The following SCN1A variants were observed in gnomAD, a reference collection of about 807,000 sequenced individuals.
SCN1A encodes the protein sodium voltage-gated channel alpha subunit 1.
In SCN1A, 13 loss-of-function variants were observed where a neutral mutation model predicts 193.7. The observed-to-expected ratio is 0.07, with a 90% CI of 0.04 to 0.11. SCN1A has a LOEUF of 0.11. SCN1A is among the 10% of genes least tolerant of loss of function. SCN1A has a pLI of 1.00. For missense variants in SCN1A, 1,432 were observed against 2,451.1 expected, an observed-to-expected ratio of 0.58 and a Z score of 8.78; for synonymous variants, 781 against 843.6, an observed-to-expected ratio of 0.93 and a Z score of 1.29.
At chr2:166,089,591 G>A (rs1181486544) in intron 2 of SCN1A, among the ~76,000 whole-genome samples, 1 of 152,008 alleles carries the variant, frequency 6.6e-6, no homozygotes, top group African/African-American at 2.4e-5. Flanking sequence ...GATGGGGCTG[G>A]CTGGGACCTG....
At chr2:166,136,221 G>C (rs868836293) in intron 1 of SCN1A, among the ~76,000 whole-genome samples, 2 of 152,072 alleles carry the variant, frequency 1.3e-5, no homozygotes, top group African/African-American at 4.8e-5. Context: ...AATAAAGTAG[G>C]TAAGGACACC....
chr2:166,014,470 A>G (rs1692979097), intron 20 of SCN1A, among the ~76,000 whole-genome samples: 1 of 151,510 alleles, frequency 6.6e-6, no homozygotes, highest in East Asian at 1.9e-4. Context: ...CACTTAGTCT[A>G]AATGCAATCA....
At chr2:166,092,177 T>G (rs1275037751) in intron 2 of SCN1A, among the ~76,000 whole-genome samples, 1 of 152,152 alleles carries the variant, frequency 6.6e-6, no homozygotes, top group Non-Finnish European at 1.5e-5. Context: ...GACTACACTT[T>G]GAAAATATAG....
chr2:166,046,218 A>G (rs900044350), intron 12 of SCN1A, among the ~76,000 whole-genome samples: 1 of 152,220 alleles, frequency 6.6e-6, no homozygotes. Flanking sequence ...ACTTCACTAT[A>G]AAAACAAGTA....
chr2:166,095,029 T>C (rs1286939617), intron 2 of SCN1A, among the ~76,000 whole-genome samples: 1 of 152,228 alleles, frequency 6.6e-6, no homozygotes, highest in Admixed American at 6.5e-5. Context: ...TTTGATTTTG[T>C]AAGTCAGATC....
At chr2:166,018,392 C>T (rs1693595943) in intron 19 of SCN1A, among the ~76,000 whole-genome samples, 1 of 151,884 alleles carries the variant, frequency 6.6e-6, no homozygotes, top group African/African-American at 2.4e-5. Flanking sequence ...ACCCAAAAGA[C>T]CTTATGTTAC....
At chr2:166,126,575 G>A (rs2106272986) in intron 2 of SCN1A, 1 of 152,220 alleles carries the variant, frequency 6.6e-6, no homozygotes, top group African/African-American at 2.4e-5. Context: ...ACATCCTCTT[G>A]GGATGATTTA....
intron 23 of SCN1A, among the ~76,000 whole-genome samples, chr2:166,007,779 C>G (rs1392785510): frequency 1.3e-5 from 2 of 151,362 alleles, no homozygotes; most frequent in Non-Finnish European, 3.0e-5. Flanking sequence ...TTTGACGCAG[C>G]TATTGTGATT....
At chr2:166,045,022 G>C (rs201439626) in intron 13 of SCN1A, 21 bp downstream of exon 13, 1 of 1,613,306 alleles carries the variant, frequency 6.2e-7, no homozygotes, top group African/African-American at 1.3e-5. Context: ...CCATGCATCA[G>C]TAAACTCAGC....
intron 1 of SCN1A, among the ~76,000 whole-genome samples, chr2:166,141,910 T>A (rs1326472005): frequency 1.4e-5 from 2 of 143,744 alleles, no homozygotes; most frequent in African/African-American, 2.7e-5. Context: ...TGTGGCACCA[T>A]TTTATATTCC....
chr2:165,987,863 A>T lies in SCN1A; in HGVS notation c.*3382T>A, dbSNP rs1041984389. The T allele has an allele frequency of 6.6e-6, 1 of 152,162 alleles. No homozygotes were observed. Among genetic ancestry groups the T allele is most frequent in the Admixed American group, 6.6e-5 (1 of 15,260 alleles). 9.4% of individuals were successfully genotyped at this position (152,162 alleles called of 1,614,324 possible). On this transcript the variant is annotated 3_prime_UTR_variant, in exon 29 of 29. Transcript: ENST00000674923. ...AATGGCGTGGATGGGTAGTATAAAAAGTCTGCAGGGTTTATCCTATAATTC... is the reference window on the plus strand; with the variant it reads ...AATGGCGTGGATGGGTAGTATAAAATGTCTGCAGGGTTTATCCTATAATTC...
At position 165,991,317 on chromosome 2, in the gene SCN1A, A is replaced by G; in HGVS notation, c.5958T>C (p.Tyr1986=). The change falls in exon 29 of 29, where the codon TAT becomes TAC. Residue 1986 remains tyrosine (Y), a synonymous_variant. Coordinates refer to ENST00000674923, the MANE Select transcript of SCN1A (RefSeq NM_001165963.4). ...TMSTAACPPS[Y]DRVTKPIVEK... is the part of the protein sequence containing the mutation. Reference sequence around the variant, plus strand: ...CCACAATTGGCTTTGTCACCCGGTCATAGGAAGGTGGACAAGCTGCAGTGG... The same window carrying G: ...CCACAATTGGCTTTGTCACCCGGTCGTAGGAAGGTGGACAAGCTGCAGTGG... 1 of 1,613,400 alleles carries G rather than the reference A, an allele frequency of 6.2e-7. No homozygotes were observed. The highest frequency in any genetic ancestry group is 1.1e-5 in the South Asian group (1 of 91,026).
intron 2 of SCN1A, among the ~76,000 whole-genome samples, chr2:166,114,268 C>T (rs1689613747): frequency 1.3e-5 from 2 of 152,042 alleles, no homozygotes. Context: ...TTATTTTGTG[C>T]CTGTTTCTGA....
intron 2 of SCN1A, among the ~76,000 whole-genome samples, chr2:166,115,788 A>G (rs1276772113): frequency 6.6e-6 from 1 of 152,222 alleles, no homozygotes; most frequent in Non-Finnish European, 1.5e-5. Context: ...AATGAGACTT[A>G]GTCACATCAG....
At chr2:165,996,746 T>C (rs1690123110) in intron 26 of SCN1A, among the ~76,000 whole-genome samples, 1 of 151,344 alleles carries the variant, frequency 6.6e-6, no homozygotes, top group Non-Finnish European at 1.5e-5. Flanking sequence ...AGAATACTAC[T>C]GGTAATAAGA....
intron 16 of SCN1A, among the ~76,000 whole-genome samples, chr2:166,040,056 C>T (rs1383596683): frequency 6.6e-6 from 1 of 151,290 alleles, no homozygotes; most frequent in African/African-American, 2.4e-5. Flanking sequence ...GTAGCTGGGA[C>T]TACAGGCGCC....
intron 25 of SCN1A, 148 bp downstream of exon 25, chr2:165,999,575 G>T: frequency 1.5e-6 from 1 of 663,214 alleles, no homozygotes; most frequent in Non-Finnish European, 2.7e-6. Context: ...GATAAACATT[G>T]CTATGCTTGA....
chr2:166,113,280 A>G lies in SCN1A; in HGVS notation c.-142+13644T>C, dbSNP rs1689493682. Among the ~76,000 whole-genome samples the G allele has an allele frequency of 3.3e-5, 5 of 152,308 alleles. 1 individual carries two copies. In the South Asian group the frequency reaches 1.0e-3, roughly 32 times the overall value. Reference sequence around the variant, plus strand: ...TCAGAAGTGGTGTGGTTAAAACAGTAGTACTTGGCTTTTTTTTAAATTTAG... The same window carrying G: ...TCAGAAGTGGTGTGGTTAAAACAGTGGTACTTGGCTTTTTTTTAAATTTAG... On this transcript the variant is annotated intron_variant, in intron 2 of 28. Transcript: ENST00000674923.
At position 166,148,847 on chromosome 2, in the gene SCN1A, C is replaced by T. The variant is rs73030857; in HGVS notation, c.-50+200G>A. 3.7e-3 allele frequency among the ~76,000 whole-genome samples: 563 copies of T among 152,116 alleles called. 2 individuals are homozygous for T. The highest frequency in any genetic ancestry group is 0.013 in the African/African-American group (536 of 41,484). On this transcript the variant is annotated intron_variant, in intron 1 of 26. Coordinates refer to the SCN1A transcript ENST00000635750. ...TTCCTTGATGGTTACAGATGATGTC[C>T]GATAAGCAAATTTGAATTTATGATT...
Sources: allele counts gnomAD v4.1 joint callset (sites outside exome capture counted in the v4.1 genomes callset), GRCh38; gene constraint gnomAD v4.1.1; transcripts MANE v1.5; gene names NCBI Gene and HGNC (gene_info 2026-07-23, HGNC 2026-07-21).